The following CEP63 variants were observed in gnomAD, a reference collection of about 807,000 sequenced individuals.
CEP63 encodes the protein centrosomal protein of 63 kDa.
A neutral mutation model predicts 89.1 loss-of-function variants in CEP63; 84 were observed. The observed-to-expected ratio is 0.94, with a 90% confidence interval of 0.79 to 1.13. The LOEUF is 1.13. Among genes scored for constraint, CEP63 ranks in the 50% most tolerant of loss-of-function variants. The pLI is 0.00. For synonymous variants in CEP63, 267 were observed against 272.5 expected, an observed-to-expected ratio of 0.98 and a Z score of 0.20; for missense variants, 838 against 813.3, an observed-to-expected ratio of 1.03 and a Z score of -0.37.
the CEP63 span, among the ~76,000 whole-genome samples, chr3:134,742,823 C>A: frequency 6.6e-6 from 1 of 152,196 alleles, no homozygotes; most frequent in Admixed American, 6.5e-5. Flanking sequence ...GCAAAAAGAT[C>A]CTCACAAGAT....
chr3:134,499,856 C>G (rs1941425528), intron 2 of CEP63, among the ~76,000 whole-genome samples: 1 of 132,698 alleles, frequency 7.5e-6, no homozygotes, highest in South Asian at 2.5e-4. Flanking sequence ...TGGAGTCTCG[C>G]TCTGTTGCCC....
chr3:134,681,107 G>A, the CEP63 span, among the ~76,000 whole-genome samples: 8 of 152,192 alleles, frequency 5.3e-5, no homozygotes, highest in African/African-American at 9.7e-5. Context: ...CCCCTCACAG[G>A]GCCCTGTTCC....
the CEP63 span, among the ~76,000 whole-genome samples, chr3:134,714,914 C>T: frequency 3.3e-5 from 5 of 152,192 alleles, no homozygotes; most frequent in South Asian, 2.1e-4. Context: ...CATAAGACAA[C>T]GGGCTAAATG....
chr3:134,559,811 G>T (rs1957012724), intron 14 of CEP63, among the ~76,000 whole-genome samples: 1 of 152,230 alleles, frequency 6.6e-6, no homozygotes, highest in South Asian at 2.1e-4. Context: ...AGGAGAAAGG[G>T]AGTGTGGAGG....
chr3:134,756,726 T>C, the CEP63 span, among the ~76,000 whole-genome samples: 1 of 152,122 alleles, frequency 6.6e-6, no homozygotes, highest in African/African-American at 2.4e-5. Flanking sequence ...GGCTGCTATC[T>C]AATACATTTG....
chr3:134,504,894 T>C (rs1168656072), intron 2 of CEP63, among the ~76,000 whole-genome samples: 1 of 152,176 alleles, frequency 6.6e-6, no homozygotes, highest in East Asian at 1.9e-4. Context: ...GTTTTTACTC[T>C]GTTGTTGAAA....
intron 10 of CEP63, 47 bp downstream of exon 10, chr3:134,549,223 A>G (rs770061020): frequency 6.7e-6 from 8 of 1,186,336 alleles, no homozygotes; most frequent in Non-Finnish European, 1.0e-5. Flanking sequence ...GTGTTTATGG[A>G]CAAAGCTGTG....
chr3:134,744,125 A>G, the CEP63 span, among the ~76,000 whole-genome samples: 1 of 152,214 alleles, frequency 6.6e-6, no homozygotes, highest in Non-Finnish European at 1.5e-5. Flanking sequence ...AGCCCTATCC[A>G]TAATTGAGAT....
intron 12 of CEP63, among the ~76,000 whole-genome samples, chr3:134,557,924 G>A (rs1956559942): frequency 6.6e-6 from 1 of 151,918 alleles, no homozygotes; most frequent in African/African-American, 2.4e-5. Context: ...GGAATTCCTT[G>A]CCACACAAGG....
At chr3:134,607,453 G>A in the CEP63 span, 1 of 985,692 alleles carries the variant, frequency 1.0e-6, no homozygotes, top group Non-Finnish European at 1.2e-6. Flanking sequence ...GTCAGTGTGA[G>A]CTCAGACCTC....
intron 2 of CEP63, among the ~76,000 whole-genome samples, chr3:134,503,935 A>C (rs534112923): frequency 6.6e-6 from 1 of 152,102 alleles, no homozygotes; most frequent in Non-Finnish European, 1.5e-5. Context: ...TTTTATAGAG[A>C]TATTCAGCCA....
the CEP63 span, among the ~76,000 whole-genome samples, chr3:134,776,998 T>C: frequency 5.9e-5 from 9 of 152,246 alleles, no homozygotes; most frequent in African/African-American, 2.2e-4. Context: ...TGCTGTTCTG[T>C]GGCTTGTCTA....
At chr3:134,668,782 C>T in the CEP63 span, among the ~76,000 whole-genome samples, 2 of 152,050 alleles carry the variant, frequency 1.3e-5, no homozygotes, top group African/African-American at 4.8e-5. Flanking sequence ...TCCATTTTTC[C>T]CTTGGATTGG....
the CEP63 span, among the ~76,000 whole-genome samples, chr3:134,616,629 T>C: frequency 0.62 from 94,523 of 152,008 alleles, 29,961 homozygotes; most frequent in East Asian, 0.88. Flanking sequence ...TTGGAACTAA[T>C]TTTAAATGAT....
the CEP63 span, among the ~76,000 whole-genome samples, chr3:134,610,868 C>T: frequency 1.4e-4 from 22 of 152,194 alleles, no homozygotes; most frequent in African/African-American, 4.8e-4. Context: ...AGATGGGTCT[C>T]GTGACATGGG....
the CEP63 span, among the ~76,000 whole-genome samples, chr3:134,612,117 G>A: frequency 1.3e-5 from 2 of 152,130 alleles, no homozygotes; most frequent in Non-Finnish European, 2.9e-5. Flanking sequence ...AGGTTCCTTA[G>A]GGGCTTGGAA....
At chr3:134,627,743 C>T in the CEP63 span, 2 of 1,612,664 alleles carry the variant, frequency 1.2e-6, no homozygotes, top group Non-Finnish European at 1.7e-6. Context: ...TCCTGGAAGA[C>T]TCTGGAACTT....
At chr3:134,765,181 G>A in the CEP63 span, among the ~76,000 whole-genome samples, 16 of 152,356 alleles carry the variant, frequency 1.1e-4, no homozygotes, top group East Asian at 2.9e-3. Context: ...GACCATGATA[G>A]TGTATGTATA....
intron 1 of CEP63, among the ~76,000 whole-genome samples, chr3:134,490,835 A>G (rs914791405): frequency 1.3e-5 from 2 of 152,102 alleles, no homozygotes; most frequent in Non-Finnish European, 2.9e-5. Flanking sequence ...ATGTGCTATT[A>G]TGTATACTGT....
Sources: allele counts gnomAD v4.1 joint callset (sites outside exome capture counted in the v4.1 genomes callset), GRCh38; gene constraint gnomAD v4.1.1; transcripts MANE v1.5; gene names NCBI Gene and HGNC (gene_info 2026-07-23, HGNC 2026-07-21).